ZFHX3: variants seen among roughly 807,000 people sequenced by gnomAD.
ZFHX3 encodes the protein zinc finger homeobox 3.
ZFHX3 carries 42 observed loss-of-function variants against 279.1 expected under a neutral mutation model. That is an observed-to-expected ratio of 0.15 (90% CI 0.12 to 0.19). The LOEUF is 0.19. Among genes scored for constraint, ZFHX3 ranks in the 10% least tolerant of loss-of-function variants. The probability of loss-of-function intolerance (pLI) is 1.00; values close to 1 mark genes in which losing one functional copy is unlikely to be tolerated. For synonymous variants in ZFHX3, 2,293 were observed against 1,957.8 expected (o/e 1.17, Z -4.52); for missense variants, 4,981 against 4,754.0 (o/e 1.05, Z -1.40).
intron 4 of ZFHX3, among the ~76,000 whole-genome samples, chr16:72,871,666 G>T (rs1035329851): frequency 6.6e-6 from 1 of 150,626 alleles, no homozygotes; most frequent in African/African-American, 2.4e-5. Context: ...TAGTAGAGAC[G>T]GGGTTTCACC....
At chr16:73,389,508 A>T (rs1486770461) in intron 3 of ZFHX3, among the ~76,000 whole-genome samples, 1 of 152,222 alleles carries the variant, frequency 6.6e-6, no homozygotes, top group Non-Finnish European at 1.5e-5. Context: ...ATGTAATTAG[A>T]AGGCGTATTT....
chr16:73,479,745 G>A (rs1280282878), intron 2 of ZFHX3, among the ~76,000 whole-genome samples: 1 of 152,208 alleles, frequency 6.6e-6, no homozygotes, highest in Non-Finnish European at 1.5e-5. Context: ...CCAAATAGGG[G>A]AGGGTCCTGG....
At chr16:73,508,101 C>G (rs544875239) in intron 2 of ZFHX3, among the ~76,000 whole-genome samples, 2 of 152,278 alleles carry the variant, frequency 1.3e-5, no homozygotes, top group East Asian at 3.9e-4. Flanking sequence ...ATCTGCGTGG[C>G]ACTCCAGGAA....
At chr16:73,358,185 C>G (rs999688366) in intron 3 of ZFHX3, among the ~76,000 whole-genome samples, 1 of 152,262 alleles carries the variant, frequency 6.6e-6, no homozygotes, top group Non-Finnish European at 1.5e-5. Context: ...AAATGGCCCC[C>G]AGCACCGTCC....
At position 73,487,074 on chromosome 16, in the gene ZFHX3, G is replaced by A. The variant is rs138686650; in HGVS notation, c.-1546-30816C>T. Among the ~76,000 whole-genome samples, 1,178 of 152,308 alleles carry A rather than the reference G, an allele frequency of 7.7e-3. 12 individuals are homozygous for A. The highest frequency in any genetic ancestry group is 0.011 in the Non-Finnish European group (721 of 68,010). ...AAATGGTATGAGAGATTGGAGTTGG[G>A]TAGAAGAATAGTGTTCCTTATGCTG... On this transcript the variant is annotated intron_variant, in intron 2 of 17. Transcript: ENST00000641206.
In ZFHX3 at chr16:73,784,812, T is replaced by TACACACACAC. The variant is rs1226571839; in HGVS notation, c.-1607-104573_-1607-104572insGTGTGTGTGT. 3.0e-4 allele frequency among the ~76,000 whole-genome samples: 41 copies of TACACACACAC among 136,412 alleles called. 1 individual carries two copies. The highest frequency in any genetic ancestry group is 1.1e-3 in the African/African-American group (40 of 35,912). 89.5% of individuals were successfully genotyped at this position (136,412 alleles called of 152,430 possible). A position where few individuals can be genotyped will look rare whatever the true frequency, so the allele number is the denominator to read the frequency against. ...AAAAAAAAAAATATATATATATATATATATACACACACACACACACACACA... is the reference window on the plus strand; with the variant it reads ...AAAAAAAAAAATATATATATATATATACACACACACATATACACACACACACACACACACA... On this transcript the variant is annotated intron_variant, in intron 1 of 17. Coordinates refer to the ZFHX3 transcript ENST00000641206.
In ZFHX3 at chr16:72,788,791, G is replaced by A. The variant is rs1294614051; in HGVS notation, c.9485C>T (p.Pro3162Leu). Residue 3162 changes from proline to leucine, a missense_variant, in exon 10 of 10, where the codon CCT becomes CTT. This residue lies in a region of ZFHX3 where 1,034 missense variants were observed against 786.0 expected (regional missense o/e 1.32). Transcript: ENST00000268489. ...MGLPSTTVPS[P>L]GLPTSGLPNK... ...TGGTAATCCAGAAGTGGGGAGGCCA[G>A]GGGAAGGAACAGTTGTGCTGGGCAG... 2 of 1,546,820 alleles carry A rather than the reference G, an allele frequency of 1.3e-6. No homozygotes were observed. Among genetic ancestry groups the A allele is most frequent in the Non-Finnish European group, 1.7e-6 (2 of 1,149,520 alleles).
chr16:73,470,849 C>T (rs1442999418), intron 2 of ZFHX3, among the ~76,000 whole-genome samples: 4 of 152,168 alleles, frequency 2.6e-5, no homozygotes, highest in Non-Finnish European at 5.9e-5. Context: ...CTGGGGGATC[C>T]AGTCAATTTC....
intron 4 of ZFHX3, among the ~76,000 whole-genome samples, chr16:72,864,370 A>G (rs1321779731): frequency 6.6e-6 from 1 of 152,152 alleles, no homozygotes; most frequent in Non-Finnish European, 1.5e-5. Context: ...CACATTAGAA[A>G]ACATAGAAGC....
At chr16:73,490,175 T>TTATCAAGAA (rs2019035829) in intron 2 of ZFHX3, among the ~76,000 whole-genome samples, 1 of 152,224 alleles carries the variant, frequency 6.6e-6, no homozygotes, top group South Asian at 2.1e-4. Context: ...ACTGACAGTT[T>TTATCAAGAA]TATCAAGAAT....
At chr16:73,248,747 G>A (rs988688694) in intron 5 of ZFHX3, among the ~76,000 whole-genome samples, 19 of 152,086 alleles carry the variant, frequency 1.2e-4, no homozygotes, top group African/African-American at 2.9e-4. Flanking sequence ...AGAATGGAAC[G>A]TCTGCTTTTC....
chr16:73,530,463 C>A (rs1323479651), intron 2 of ZFHX3, among the ~76,000 whole-genome samples: 2 of 152,180 alleles, frequency 1.3e-5, no homozygotes. Flanking sequence ...TAAACTACTT[C>A]TCTCATTCCA....
At chr16:73,422,482 T>A (rs1417966005) in intron 3 of ZFHX3, among the ~76,000 whole-genome samples, 1 of 152,198 alleles carries the variant, frequency 6.6e-6, no homozygotes, top group Non-Finnish European at 1.5e-5. Flanking sequence ...AGAAAATGCA[T>A]AAATTATTGA....
upstream of ZFHX3, among the ~76,000 whole-genome samples, chr16:73,052,238 G>A (rs769789860): frequency 6.6e-6 from 1 of 151,600 alleles, no homozygotes; most frequent in Non-Finnish European, 1.5e-5. Flanking sequence ...ATCCCAACAC[G>A]GTATCCATTC....
At chr16:73,796,945 T>A (rs1411411762) in intron 1 of ZFHX3, among the ~76,000 whole-genome samples, 2 of 152,138 alleles carry the variant, frequency 1.3e-5, no homozygotes, top group African/African-American at 4.8e-5. Context: ...CTCACGCCTG[T>A]AATCCCAGCA....
intron 7 of ZFHX3, among the ~76,000 whole-genome samples, chr16:73,111,587 A>T (rs1193642087): frequency 7.1e-6 from 1 of 140,312 alleles, no homozygotes; most frequent in Non-Finnish European, 1.6e-5. Flanking sequence ...TCTGTGAGGG[A>T]GGGAGGGAGG....
At chr16:73,302,094 G>T (rs2015070596) in intron 4 of ZFHX3, among the ~76,000 whole-genome samples, 1 of 152,168 alleles carries the variant, frequency 6.6e-6, no homozygotes, top group Non-Finnish European at 1.5e-5. Context: ...AAGGGAGACA[G>T]AAGACAAAAG....
rs761806803 is a variant in ZFHX3 at position 72,787,725 on chromosome 16, G to A, written c.10551C>T (p.Gly3517=). The change falls in exon 10 of 10, where the codon GGC becomes GGT. Residue 3517 remains glycine, a synonymous_variant. Coordinates refer to ENST00000268489, the MANE Select transcript of ZFHX3 (RefSeq NM_006885.4). ...GGGGGGSGGG[G]GGGGGGGGGG... ...CGCCGCCGCCGCCGCCGCCACCGCC[G>A]CCGCCGCCGCCACTGCCACCGCCGC... 54 of 1,379,392 alleles carry A rather than the reference G, an allele frequency of 3.9e-5. 1 individual carries two copies. The highest frequency in any genetic ancestry group is 3.4e-4 in the South Asian group (15 of 44,356). The allele number at this position is 1,379,392 out of a possible 1,614,324, so 85.4% of individuals were successfully genotyped here. A position where few individuals can be genotyped will look rare whatever the true frequency, so the allele number is the denominator to read the frequency against.
At chr16:73,520,375 C>T (rs1205583892) in intron 2 of ZFHX3, among the ~76,000 whole-genome samples, 10 of 152,138 alleles carry the variant, frequency 6.6e-5, no homozygotes, top group Admixed American at 6.6e-4. Context: ...AAGGCATAGC[C>T]TAGCAAACTT....
Sources: allele counts gnomAD v4.1 joint callset (sites outside exome capture counted in the v4.1 genomes callset), GRCh38; gene constraint gnomAD v4.1.1; regional missense constraint gnomAD v4.1.1; transcripts MANE v1.5; gene names NCBI Gene and HGNC (gene_info 2026-07-23, HGNC 2026-07-21).